Variants in XPO1 observed in about 807,000 individuals in gnomAD.
XPO1 encodes exportin-1.
In XPO1, 5 loss-of-function variants were observed where a neutral mutation model predicts 133.3. The observed-to-expected ratio is 0.04, with a 90% confidence interval of 0.02 to 0.08. XPO1 has a LOEUF of 0.08. Ranked by LOEUF, XPO1 falls within the 10% of genes least tolerant of loss-of-function variation. The probability of loss-of-function intolerance (pLI) is 1.00; values close to 1 mark genes in which losing one functional copy is unlikely to be tolerated. For synonymous variants in XPO1, 419 were observed against 408.2 expected (o/e 1.03, Z -0.32); for missense variants, 506 against 1,267.5 (o/e 0.40, Z 9.12).
At position 61,493,008 on chromosome 2, in the gene XPO1, A is replaced by G. The variant is rs763175717; in HGVS notation, c.1291T>C (p.Leu431=). 2.5e-6 allele frequency: 4 copies of G among 1,611,362 alleles called. No homozygotes were observed. Among genetic ancestry groups the G allele is most frequent in the African/African-American group, 1.3e-5 (1 of 74,930 alleles). ...TCTCCTTGATCATTCTCTACAACCA[A>G]TACTTCCTCTGGTTTAGCCATTCGA... ...VSRMAKPEEV[L]VVENDQGEVV... The change falls in exon 13 of 25, where the codon TTG becomes CTG. Residue 431 remains leucine (L), a synonymous_variant. Coordinates refer to ENST00000401558, the MANE Select transcript of XPO1 (RefSeq NM_003400.4).
chr2:61,486,102 C>T (rs1429794014), intron 19 of XPO1, 140 bp from the exon 20 acceptor site: 5 of 789,564 alleles, frequency 6.3e-6, no homozygotes, highest in Non-Finnish European at 7.7e-6. Flanking sequence ...ATTAGGGTTT[C>T]CTACGTCAAA....
chr2:61,529,125 T>G (rs1376381215), intron 2 of XPO1, among the ~76,000 whole-genome samples: 1 of 152,022 alleles, frequency 6.6e-6, no homozygotes, highest in Non-Finnish European at 1.5e-5. Context: ...AAGTCAAGGC[T>G]GCAGTGAGCT....
intron 2 of XPO1, among the ~76,000 whole-genome samples, chr2:61,533,249 A>G (rs775024460): frequency 3.3e-5 from 5 of 152,208 alleles, no homozygotes; most frequent in Non-Finnish European, 7.3e-5. Context: ...AAAATTGTAC[A>G]CACATTTCTG....
intron 7 of XPO1, among the ~76,000 whole-genome samples, chr2:61,499,232 A>G (rs998561240): frequency 6.6e-6 from 1 of 152,110 alleles, no homozygotes; most frequent in Non-Finnish European, 1.5e-5. Context: ...ACAATTGGGG[A>G]ACTGAAAAGA....
intron 4 of XPO1, among the ~76,000 whole-genome samples, chr2:61,516,353 G>T (rs921088555): frequency 5.3e-5 from 8 of 151,428 alleles, no homozygotes; most frequent in Admixed American, 1.3e-4. Flanking sequence ...TTGTAATTAC[G>T]ATCTTTCCAC....
intron 24 of XPO1, 113 bp from the exon 25 acceptor site, chr2:61,479,079 A>G: frequency 7.8e-7 from 1 of 1,288,130 alleles, no homozygotes; most frequent in Admixed American, 2.5e-5. Flanking sequence ...ATTATCCATA[A>G]AGTGGCTGGG....
At chr2:61,486,805 G>A (rs1696717693) in intron 19 of XPO1, among the ~76,000 whole-genome samples, 1 of 151,946 alleles carries the variant, frequency 6.6e-6, no homozygotes. Context: ...GAAAGACTAT[G>A]GATTTCTATT....
At chr2:61,528,652 CAAA>C (rs34466565) in intron 2 of XPO1, among the ~76,000 whole-genome samples, 3 of 117,084 alleles carry the variant, frequency 2.6e-5, no homozygotes, top group Non-Finnish European at 5.3e-5. Flanking sequence ...GACTCCCTCT[CAAA>C]AAAAAAAAAA....
At chr2:61,504,614 A>G (rs566353499) in intron 4 of XPO1, among the ~76,000 whole-genome samples, 44 of 152,332 alleles carry the variant, frequency 2.9e-4, no homozygotes, top group African/African-American at 1.0e-3. Context: ...CTCATCTGGC[A>G]TATATAGAAC....
chr2:61,525,993 T>G (rs1029009747), intron 3 of XPO1: 7 of 1,060,724 alleles, frequency 6.6e-6, no homozygotes, highest in Non-Finnish European at 8.0e-6. Context: ...AACTGAGTGC[T>G]GTCCCATTAG....
chr2:61,479,600 C>G (rs552454701), intron 24 of XPO1, among the ~76,000 whole-genome samples: 12 of 152,182 alleles, frequency 7.9e-5, no homozygotes, highest in Non-Finnish European at 8.8e-5. Context: ...AAATTTTGTT[C>G]TCTTTGTGAT....
Position 61,509,518 on chromosome 2 carries a change from C to A in XPO1, c.302-7208G>T, listed in dbSNP as rs534667958. Among the ~76,000 whole-genome samples the A allele has an allele frequency of 9.2e-5, 14 of 152,092 alleles. No individual in the cohort carries two copies. In the South Asian group the frequency reaches 1.0e-3, roughly 11 times the overall value. On this transcript the variant is annotated intron_variant, in intron 4 of 24. Transcript: ENST00000401558. ...CCGCATGACTGTAATCCCAACTACA[C>A]AGGAGGATGAGGCAGGAGAATCACT... is the stretch of plus-strand genomic sequence containing the variant.
Position 61,478,816 on chromosome 2 carries a change from G to T in XPO1, c.*4C>A, listed in dbSNP as rs1484534474. The T allele has an allele frequency of 6.2e-7, 1 of 1,612,688 alleles. No individual in the cohort carries two copies. ...AGAGAAAAAAAACAGCATGAATTTG[G>T]ATTTTAATCACACATTTCTTCTGGA... On this transcript the variant is annotated 3_prime_UTR_variant, in exon 25 of 25. Coordinates refer to ENST00000401558, the MANE Select transcript of XPO1 (RefSeq NM_003400.4).
intron 17 of XPO1, among the ~76,000 whole-genome samples, chr2:61,489,482 T>A (rs947538486): frequency 6.6e-6 from 1 of 151,880 alleles, no homozygotes; most frequent in Non-Finnish European, 1.5e-5. Context: ...TAAACCATAT[T>A]TATAATCCCA....
At chr2:61,503,503 C>A (rs1697645402) in intron 4 of XPO1, among the ~76,000 whole-genome samples, 1 of 152,116 alleles carries the variant, frequency 6.6e-6, no homozygotes, top group Non-Finnish European at 1.5e-5. Context: ...CGCCTCACTG[C>A]AAGCTCCACC....
At chr2:61,510,772 A>T (rs1698051621) in intron 4 of XPO1, among the ~76,000 whole-genome samples, 1 of 151,964 alleles carries the variant, frequency 6.6e-6, no homozygotes, top group Non-Finnish European at 1.5e-5. Flanking sequence ...CCCCATCTCT[A>T]CAAAAAATAG....
intron 4 of XPO1, among the ~76,000 whole-genome samples, chr2:61,519,234 C>T (rs1039957841): frequency 6.6e-6 from 1 of 152,180 alleles, no homozygotes; most frequent in Non-Finnish European, 1.5e-5. Context: ...CAGGCGTGAG[C>T]CACCGTGCTG....
intron 4 of XPO1, among the ~76,000 whole-genome samples, chr2:61,511,493 G>C (rs1013999820): frequency 6.6e-6 from 1 of 151,534 alleles, no homozygotes; most frequent in South Asian, 2.1e-4. Context: ...ATCAGGGCTC[G>C]ACCTCCTGCC....
rs1298147727 is a variant in XPO1, at chr2:61,492,024, G to A, written c.1887+11C>T. ...TTTCTAAAAATAACATATGCTCAGT[G>A]CTTAACATACCTGTTGAGGCTGAAG... On this transcript the variant is annotated intron_variant, in intron 16 of 24. Coordinates refer to ENST00000401558, the MANE Select transcript of XPO1 (RefSeq NM_003400.4). This position sits in a 1 kb window ranked among gnomAD's most constrained non-coding sequence, Gnocchi z 5.6. The A allele has an allele frequency of 6.2e-7, 1 of 1,613,786 alleles. No individual in the cohort carries two copies. The highest frequency in any genetic ancestry group is 1.3e-5 in the African/African-American group (1 of 74,908).
Sources: gnomAD v4.1 joint callset for allele counts (sites outside exome capture counted in the v4.1 genomes callset) on GRCh38, gnomAD v4.1.1 for gene constraint, Gnocchi (gnomAD v3.1) non-coding constraint, MANE v1.5 for transcripts, NCBI Gene and HGNC (gene_info 2026-07-23, HGNC 2026-07-21) for gene names.